FOXJ3: variants seen among roughly 807,000 people sequenced by gnomAD.
The protein encoded by FOXJ3 is forkhead box J3, also known as forkhead box protein J3.
In FOXJ3, 22 loss-of-function variants were observed where a neutral mutation model predicts 76.1. The observed-to-expected ratio is 0.29, with a 90% CI of 0.21 to 0.41. The LOEUF is 0.41. FOXJ3 is among the 10% of genes least tolerant of loss of function. The probability of loss-of-function intolerance (pLI) is 1.00; values close to 1 mark genes in which losing one functional copy is unlikely to be tolerated. For synonymous variants in FOXJ3, 269 were observed against 261.2 expected (o/e 1.03, Z -0.29); for missense variants, 613 against 762.1 (o/e 0.80, Z 2.30).
At chr1:42,218,823 C>T (rs897144728) in intron 5 of FOXJ3, among the ~76,000 whole-genome samples, 2 of 152,156 alleles carry the variant, frequency 1.3e-5, no homozygotes, top group Non-Finnish European at 2.9e-5. Context: ...ATGTGAAGTC[C>T]TATCACTACT....
intron 1 of FOXJ3, among the ~76,000 whole-genome samples, chr1:42,311,846 G>T (rs972683899): frequency 6.6e-6 from 1 of 152,134 alleles, no homozygotes; most frequent in Admixed American, 6.5e-5. Context: ...TTTATTCAGA[G>T]GGGATTAAAC....
chr1:42,193,584 A>C (rs1295641401), intron 8 of FOXJ3, among the ~76,000 whole-genome samples: 1 of 152,154 alleles, frequency 6.6e-6, no homozygotes, highest in Non-Finnish European at 1.5e-5. Context: ...AAAACATATG[A>C]ATCTTACTTT....
chr1:42,190,807 C>T (rs1442406048), intron 9 of FOXJ3, among the ~76,000 whole-genome samples: 1 of 152,108 alleles, frequency 6.6e-6, no homozygotes, highest in Admixed American at 6.5e-5. Flanking sequence ...AAAAATAAAG[C>T]AAACTCTGCA....
At chr1:42,302,166 G>A (rs1654192450) in intron 2 of FOXJ3, among the ~76,000 whole-genome samples, 1 of 152,150 alleles carries the variant, frequency 6.6e-6, no homozygotes, top group African/African-American at 2.4e-5. Flanking sequence ...CATCTTGTGG[G>A]GCCAGGGTGG....
chr1:42,274,261 T>C (rs368980478), intron 3 of FOXJ3, among the ~76,000 whole-genome samples: 13 of 152,174 alleles, frequency 8.5e-5, no homozygotes, highest in East Asian at 3.8e-4. Context: ...GAATGATGCA[T>C]TGATTCATGT....
intron 3 of FOXJ3, among the ~76,000 whole-genome samples, chr1:42,268,719 A>T (rs570132607): frequency 6.6e-6 from 1 of 152,324 alleles, no homozygotes; most frequent in African/African-American, 2.4e-5. Context: ...AAATGGTTTA[A>T]TACTATTTGA....
intron 1 of FOXJ3, among the ~76,000 whole-genome samples, chr1:42,322,691 A>C (rs1237635954): frequency 6.6e-6 from 1 of 152,138 alleles, no homozygotes; most frequent in Non-Finnish European, 1.5e-5. Flanking sequence ...AGACTCAATC[A>C]GAAGAAAATG....
chr1:42,201,534 G>A (rs889740227), intron 6 of FOXJ3, among the ~76,000 whole-genome samples: 1 of 152,184 alleles, frequency 6.6e-6, no homozygotes. Context: ...AACAACAGCA[G>A]ATTTCCTAGT....
chr1:42,334,773 G>A (rs1281583261), intron 1 of FOXJ3, among the ~76,000 whole-genome samples: 2 of 152,014 alleles, frequency 1.3e-5, no homozygotes, highest in East Asian at 1.9e-4. Context: ...CCGGTGCCCC[G>A]CCTGGGGGAG....
chr1:42,207,907 C>T (rs1188267060), intron 5 of FOXJ3, among the ~76,000 whole-genome samples: 1 of 152,150 alleles, frequency 6.6e-6, no homozygotes, highest in East Asian at 1.9e-4. Context: ...TGGTGCCAGC[C>T]AACCAAGCTA....
intron 1 of FOXJ3, among the ~76,000 whole-genome samples, chr1:42,314,172 G>C (rs938054312): frequency 5.3e-5 from 8 of 152,112 alleles, no homozygotes; most frequent in Non-Finnish European, 2.9e-5. Context: ...TGGCCTCTTA[G>C]CCCATTCCTC....
chr1:42,316,333 C>CGTTTTTT (rs1322633444), intron 1 of FOXJ3, among the ~76,000 whole-genome samples: 3 of 73,914 alleles, frequency 4.1e-5, no homozygotes, highest in African/African-American at 1.3e-4. Flanking sequence ...TGCATTGGGC[C>CGTTTTTT]TTTTTTTTTT....
At chr1:42,231,022 A>T (rs1405460765) in intron 4 of FOXJ3, among the ~76,000 whole-genome samples, 1 of 152,144 alleles carries the variant, frequency 6.6e-6, no homozygotes, top group East Asian at 1.9e-4. Flanking sequence ...CTTAAAAAGG[A>T]GGGATATTCT....
At chr1:42,324,091 G>GTA (rs1181881280) in intron 1 of FOXJ3, among the ~76,000 whole-genome samples, 4 of 17,710 alleles carry the variant, frequency 2.3e-4, no homozygotes, top group Non-Finnish European at 5.1e-4. Context: ...TATATATACT[G>GTA]TATATATACT....
intron 4 of FOXJ3, among the ~76,000 whole-genome samples, chr1:42,241,104 G>C (rs1649102414): frequency 6.6e-6 from 1 of 152,284 alleles, no homozygotes; most frequent in African/African-American, 2.4e-5. Context: ...TGTGGGAAAA[G>C]GATAAGTGAG....
At chr1:42,258,655 T>C (rs746998870) in intron 4 of FOXJ3, among the ~76,000 whole-genome samples, 1 of 152,188 alleles carries the variant, frequency 6.6e-6, no homozygotes, top group Non-Finnish European at 1.5e-5. Context: ...GTTAAGAAAT[T>C]TACTCTTAAT....
intron 3 of FOXJ3, among the ~76,000 whole-genome samples, chr1:42,271,827 A>T (rs991723734): frequency 6.6e-6 from 1 of 150,466 alleles, no homozygotes; most frequent in East Asian, 2.0e-4. Context: ...TTCTTTTTTT[A>T]TTTTTTACTT....
chr1:42,252,355 A>T (rs1395387513), intron 4 of FOXJ3, among the ~76,000 whole-genome samples: 1 of 151,974 alleles, frequency 6.6e-6, no homozygotes, highest in African/African-American at 2.4e-5. Context: ...GTCTTGGGAG[A>T]GTGTACGTGT....
intron 1 of FOXJ3, among the ~76,000 whole-genome samples, chr1:42,333,977 A>C (rs1391316208): frequency 6.6e-6 from 1 of 152,240 alleles, no homozygotes; most frequent in Admixed American, 6.5e-5. Flanking sequence ...AAAGGTGCCC[A>C]CCAATCTCTA....
Sources: allele counts gnomAD v4.1 joint callset (sites outside exome capture counted in the v4.1 genomes callset), GRCh38; gene constraint gnomAD v4.1.1; transcripts MANE v1.5; gene names NCBI Gene and HGNC (gene_info 2026-07-23, HGNC 2026-07-21).